The following RGS7BP variants were observed in gnomAD, a reference collection of about 807,000 sequenced individuals.
RGS7BP encodes the protein regulator of G protein signaling 7 binding protein, also known as regulator of G protein signaling 7-binding protein.
A neutral mutation model predicts 31.3 loss-of-function variants in RGS7BP; 9 were observed. That is an observed-to-expected ratio of 0.29 (90% CI 0.17 to 0.50). The LOEUF (loss-of-function observed/expected upper bound fraction) is 0.50, where lower values mean the gene tolerates loss of function less well. Ranked by LOEUF, RGS7BP falls within the 20% of genes least tolerant of loss-of-function variation. RGS7BP has a pLI of 0.98. For missense variants in RGS7BP, 274 were observed against 322.0 expected (o/e 0.85, Z 1.14); for synonymous variants, 115 against 120.1 (o/e 0.96, Z 0.28).
chr5:64,559,349 T>G (rs185121649), intron 2 of RGS7BP, among the ~76,000 whole-genome samples: 1 of 152,182 alleles, frequency 6.6e-6, no homozygotes, highest in Non-Finnish European at 1.5e-5. Flanking sequence ...AGTGGTTGGA[T>G]GTTTACTGAC....
intron 2 of RGS7BP, among the ~76,000 whole-genome samples, chr5:64,524,848 C>A (rs938581928): frequency 1.3e-5 from 2 of 152,020 alleles, no homozygotes; most frequent in African/African-American, 4.8e-5. Context: ...ACTTCCTTGC[C>A]ATCATTCTGA....
intron 2 of RGS7BP, among the ~76,000 whole-genome samples, chr5:64,555,448 C>T (rs1741897618): frequency 6.6e-6 from 1 of 151,806 alleles, no homozygotes; most frequent in Non-Finnish European, 1.5e-5. Flanking sequence ...TTTTTTTAAC[C>T]TTCAAACAAG....
chr5:64,550,801 A>T (rs1580422133), intron 2 of RGS7BP, among the ~76,000 whole-genome samples: 1 of 141,242 alleles, frequency 7.1e-6, no homozygotes, highest in African/African-American at 2.7e-5. Context: ...TCATTGTTCA[A>T]TTCCCATCTA....
chr5:64,545,787 A>G, intron 2 of RGS7BP, among the ~76,000 whole-genome samples: 1 of 152,226 alleles, frequency 6.6e-6, no homozygotes, highest in East Asian at 1.9e-4. Context: ...GCTAGGGCAT[A>G]TGAAAGGAGG....
chr5:64,525,416 G>A (rs1016846704), intron 2 of RGS7BP, among the ~76,000 whole-genome samples: 2 of 152,226 alleles, frequency 1.3e-5, no homozygotes, highest in African/African-American at 4.8e-5. Context: ...AGCTAAAGGT[G>A]TGCTGTATCC....
chr5:64,547,430 G>A (rs546958010), intron 2 of RGS7BP, among the ~76,000 whole-genome samples: 2 of 152,314 alleles, frequency 1.3e-5, no homozygotes, highest in South Asian at 4.1e-4. Context: ...CAGACATTTT[G>A]AAATTCAGGT....
intron 1 of RGS7BP, among the ~76,000 whole-genome samples, chr5:64,507,180 C>A (rs1314788585): frequency 2.6e-5 from 4 of 152,338 alleles, no homozygotes; most frequent in East Asian, 1.9e-4. Flanking sequence ...CGGGGCGCTG[C>A]GGAGGGGTCG....
intron 2 of RGS7BP, among the ~76,000 whole-genome samples, chr5:64,537,576 C>A (rs901737353): frequency 2.0e-5 from 3 of 152,290 alleles, no homozygotes; most frequent in Admixed American, 2.0e-4. Flanking sequence ...TACCTCTCCC[C>A]AGAAACTTGG....
intron 5 of RGS7BP, among the ~76,000 whole-genome samples, chr5:64,605,412 G>C (rs982954673): frequency 1.3e-5 from 2 of 152,102 alleles, no homozygotes; most frequent in African/African-American, 4.8e-5. Context: ...AGGACTAGCA[G>C]CAATGTCTGG....
In RGS7BP at chr5:64,507,747, C is replaced by A; in HGVS notation, c.202C>A (p.Arg68=). ...GTTCAACACACAAGTGGCCCTGTAC[C>A]GAGAGCTGGTCATTTCTATTGGGGA... ...QEFNTQVALY[R]ELVISIGDVS... is the part of the protein sequence containing the mutation. Residue 68 remains arginine, a synonymous_variant, in exon 2 of 6, where the codon CGA becomes AGA. Coordinates refer to ENST00000334025, the MANE Select transcript of RGS7BP (RefSeq NM_001029875.3). 6.2e-7 allele frequency: 1 copy of A among 1,613,556 alleles called. No homozygotes were observed. Among genetic ancestry groups the A allele is most frequent in the African/African-American group, 1.3e-5 (1 of 74,930 alleles).
chr5:64,506,872 G>A lies in RGS7BP; in HGVS notation c.165+83G>A. 6.0e-6 allele frequency: 8 copies of A among 1,340,016 alleles called. No homozygotes were observed. The highest frequency in any genetic ancestry group is 8.1e-6 in the Non-Finnish European group (8 of 984,906). 83.0% of individuals were successfully genotyped at this position (1,340,016 alleles called of 1,614,324 possible). ...TCATGTATGTTAATCATTTGCCTGA[G>A]TGCCAGCCACTCCCCCACCCTCAGC... is the stretch of plus-strand genomic sequence containing the variant. On this transcript the variant is annotated intron_variant, in intron 1 of 5. Coordinates refer to ENST00000334025, the MANE Select transcript of RGS7BP (RefSeq NM_001029875.3). This position sits in a 1 kb window ranked among gnomAD's most constrained non-coding sequence, Gnocchi z 4.6.
intron 2 of RGS7BP, among the ~76,000 whole-genome samples, chr5:64,511,880 G>C (rs1027186269): frequency 6.6e-6 from 1 of 152,178 alleles, no homozygotes; most frequent in East Asian, 1.9e-4. Flanking sequence ...AGTTGAGAGA[G>C]TTAACTGAGC....
intron 2 of RGS7BP, among the ~76,000 whole-genome samples, chr5:64,527,143 T>A (rs908504436): frequency 2.0e-5 from 3 of 152,222 alleles, no homozygotes; most frequent in Non-Finnish European, 4.4e-5. Context: ...AGAGACTGTA[T>A]TATACCATTC....
At position 64,550,990 on chromosome 5, in the gene RGS7BP, A is replaced by G. The variant is rs548257505; in HGVS notation, c.333-24784A>G. On this transcript the variant is annotated intron_variant, in intron 2 of 5. Coordinates refer to ENST00000334025, the MANE Select transcript of RGS7BP (RefSeq NM_001029875.3). ...TAATATATTAAAAATGAAGTGTTCA[A>G]AATTATATAAATATTATTTTCTAAA... Among the ~76,000 whole-genome samples the G allele has an allele frequency of 3.9e-5, 6 of 152,038 alleles. No homozygotes were observed. The East Asian group carries it at 9.7e-4, about 24-fold the overall frequency.
At chr5:64,605,106 T>C (rs1397726167) in intron 5 of RGS7BP, among the ~76,000 whole-genome samples, 6 of 152,144 alleles carry the variant, frequency 3.9e-5, no homozygotes, top group Admixed American at 6.5e-5. Context: ...CTCCCTCTTT[T>C]TTTTTTTACT....
At chr5:64,600,659 A>T (rs1382043575) in intron 5 of RGS7BP, among the ~76,000 whole-genome samples, 2 of 152,346 alleles carry the variant, frequency 1.3e-5, no homozygotes, top group African/African-American at 4.8e-5. Flanking sequence ...ATAAGGACTT[A>T]TTCAGAAGGA....
intron 2 of RGS7BP, 141 bp downstream of exon 2, chr5:64,508,018 A>G: frequency 1.5e-6 from 1 of 677,866 alleles, no homozygotes; most frequent in Non-Finnish European, 2.5e-6. Context: ...AGAGAGCTAT[A>G]CACAAACTAT....
At chr5:64,530,328 T>C (rs1749337841) in intron 2 of RGS7BP, among the ~76,000 whole-genome samples, 1 of 152,242 alleles carries the variant, frequency 6.6e-6, no homozygotes, top group Admixed American at 6.5e-5. Context: ...ATGTAATGAA[T>C]GTAGATTGCA....
intron 3 of RGS7BP, among the ~76,000 whole-genome samples, chr5:64,579,543 C>CAAAAAAAAAAAAAAAAAAAAAAAAAAA (rs34003776): frequency 1.9e-5 from 1 of 53,312 alleles, no homozygotes. Context: ...GACTCCATCT[C>CAAAAAAAAAAAAAAAAAAAAAAAAAAA]AAAAAAAAAA....
Sources: gnomAD v4.1 joint callset for allele counts (sites outside exome capture counted in the v4.1 genomes callset) on GRCh38, gnomAD v4.1.1 for gene constraint, Gnocchi (gnomAD v3.1) non-coding constraint, MANE v1.5 for transcripts, NCBI Gene and HGNC (gene_info 2026-07-23, HGNC 2026-07-21) for gene names.